The following CORIN variants were observed in gnomAD, a reference collection of about 807,000 sequenced individuals.
CORIN encodes the protein corin, serine peptidase, also known as atrial natriuretic peptide-converting enzyme.
A neutral mutation model predicts 125.3 loss-of-function variants in CORIN; 117 were observed. That is an observed-to-expected ratio of 0.93 (90% CI 0.80 to 1.09). The LOEUF is 1.09. CORIN is among the 50% of genes least tolerant of loss of function. The probability of loss-of-function intolerance (pLI) is 0.00; values close to 1 mark genes in which losing one functional copy is unlikely to be tolerated. For synonymous variants in CORIN, 450 were observed against 466.4 expected, an observed-to-expected ratio of 0.96 and a Z score of 0.45; for missense variants, 1,253 against 1,306.7, an observed-to-expected ratio of 0.96 and a Z score of 0.63.
At chr4:47,772,516 A>G (rs983655902) in intron 3 of CORIN, among the ~76,000 whole-genome samples, 6 of 152,126 alleles carry the variant, frequency 3.9e-5, no homozygotes, top group African/African-American at 1.4e-4. Flanking sequence ...AATGAATGAT[A>G]ACAATAATTA....
intron 12 of CORIN, among the ~76,000 whole-genome samples, chr4:47,659,423 T>C (rs1425223843): frequency 6.6e-6 from 1 of 151,974 alleles, no homozygotes; most frequent in Admixed American, 6.6e-5. Context: ...AGAAAAGAGG[T>C]TTAATTGACT....
chr4:47,770,187 G>A (rs1729957960), intron 3 of CORIN, among the ~76,000 whole-genome samples: 1 of 151,834 alleles, frequency 6.6e-6, no homozygotes, highest in South Asian at 2.1e-4. Context: ...TTTAAAAGTG[G>A]GAAAAGGCCC....
chr4:47,660,659 C>T (rs546559375), intron 12 of CORIN, among the ~76,000 whole-genome samples: 1 of 152,164 alleles, frequency 6.6e-6, no homozygotes, highest in Admixed American at 6.5e-5. Flanking sequence ...TGTCTTATAT[C>T]CAAAAGACAG....
intron 1 of CORIN, among the ~76,000 whole-genome samples, chr4:47,809,396 C>CTTTTTTTTTT (rs374248975): frequency 9.3e-6 from 1 of 107,362 alleles, no homozygotes; most frequent in Non-Finnish European, 1.8e-5. Flanking sequence ...GAATTGATTG[C>CTTTTTTTTTT]TTTTTTTTTT....
rs1018214357 is a variant in CORIN at position 47,607,364 on chromosome 4, C to T, written c.2541-3696G>A. Among the ~76,000 whole-genome samples, 6 of 151,310 alleles carry T rather than the reference C, an allele frequency of 4.0e-5. No homozygotes were observed. The South Asian group carries it at 6.3e-4, about 16-fold the overall frequency. ...CAGAACTTGCAGTGAGCCCAGATCG[C>T]GCCACTGCACTCCAGCCTGGGCGAC... On this transcript the variant is annotated intron_variant, in intron 19 of 21. Coordinates refer to ENST00000273857, the MANE Select transcript of CORIN (RefSeq NM_006587.4).
intron 5 of CORIN, among the ~76,000 whole-genome samples, chr4:47,702,798 C>A (rs1266042860): frequency 6.6e-6 from 1 of 152,140 alleles, no homozygotes; most frequent in East Asian, 1.9e-4. Flanking sequence ...GATTACGGTT[C>A]TACCCTAATG....
At chr4:47,727,645 G>A (rs1727659412) in intron 5 of CORIN, among the ~76,000 whole-genome samples, 1 of 152,014 alleles carries the variant, frequency 6.6e-6, no homozygotes. Context: ...ATGAAATTCT[G>A]TAGGTGAAAG....
At position 47,711,222 on chromosome 4, in the gene CORIN, T is replaced by G. The variant is rs192726776; in HGVS notation, c.800-18139A>C. 7.9e-5 allele frequency among the ~76,000 whole-genome samples: 12 copies of G among 152,328 alleles called. No individual in the cohort carries two copies. In the East Asian group the frequency reaches 2.3e-3, roughly 29 times the overall value. ...CCAAAGTCCATCCTGCAGGAGCCAC[T>G]CTATAGACAAGGGAGCCATGACTAT... On this transcript the variant is annotated intron_variant, in intron 5 of 21. Transcript: ENST00000273857.
chr4:47,776,121 G>GT (rs1730288448), intron 3 of CORIN, among the ~76,000 whole-genome samples: 1 of 151,886 alleles, frequency 6.6e-6, no homozygotes, highest in Non-Finnish European at 1.5e-5. Flanking sequence ...CCAGGCTCAA[G>GT]TGCTTCTCCC....
intron 2 of CORIN, among the ~76,000 whole-genome samples, chr4:47,799,461 G>C (rs982711573): frequency 6.6e-6 from 1 of 152,012 alleles, no homozygotes; most frequent in Non-Finnish European, 1.5e-5. Context: ...CATTCTGATT[G>C]GTGTGAGATG....
Position 47,611,663 on chromosome 4 carries a change from T to A in CORIN, c.2541-7995A>T, listed in dbSNP as rs112867381. 7.8e-3 allele frequency among the ~76,000 whole-genome samples: 1,185 copies of A among 152,372 alleles called. 25 individuals are homozygous for A. Among genetic ancestry groups the A allele is most frequent in the African/African-American group, 0.027 (1,110 of 41,578 alleles). On this transcript the variant is annotated intron_variant, in intron 19 of 21. Coordinates refer to ENST00000273857, the MANE Select transcript of CORIN (RefSeq NM_006587.4). ...GGAGTGGTAAGAGAGGGCATCCTTG[T>A]CTTGTGCTGGTTTCCAAGGGGAATG...
intron 3 of CORIN, among the ~76,000 whole-genome samples, chr4:47,765,141 C>A (rs1043288869): frequency 6.6e-6 from 1 of 151,970 alleles, no homozygotes; most frequent in African/African-American, 2.4e-5. Context: ...GAAACCCCAT[C>A]TCTACTAAAA....
At chr4:47,666,519 G>C (rs1173423145) in intron 10 of CORIN, among the ~76,000 whole-genome samples, 2 of 152,190 alleles carry the variant, frequency 1.3e-5, no homozygotes, top group Non-Finnish European at 2.9e-5. Context: ...GTAGGATAGA[G>C]TTTGCATGAA....
chr4:47,825,679 A>C (rs1361989327), intron 1 of CORIN, among the ~76,000 whole-genome samples: 1 of 151,634 alleles, frequency 6.6e-6, no homozygotes, highest in Non-Finnish European at 1.5e-5. Flanking sequence ...AATCACCAGT[A>C]ACTTTTTCAA....
intron 3 of CORIN, 78 bp from the exon 4 acceptor site, chr4:47,763,664 A>G (rs1213658302): frequency 1.6e-5 from 21 of 1,314,396 alleles, no homozygotes; most frequent in East Asian, 7.0e-5. Flanking sequence ...ATATTTGTTT[A>G]TAAGATAAAG....
intron 6 of CORIN, among the ~76,000 whole-genome samples, chr4:47,684,883 G>C (rs561030919): frequency 6.6e-6 from 1 of 152,064 alleles, no homozygotes; most frequent in East Asian, 1.9e-4. Context: ...AACGTTATTA[G>C]TCATTAAGCA....
In CORIN at chr4:47,778,006, T is replaced by C. The variant is rs1185832008; in HGVS notation, c.409+8719A>G. Reference sequence around the variant, plus strand: ...AATTACATAGTTTGGGTTTTTTTGGTTTTTTGATTTTTGTTTTGACTTTCA... The same window carrying C: ...AATTACATAGTTTGGGTTTTTTTGGCTTTTTGATTTTTGTTTTGACTTTCA... On this transcript the variant is annotated intron_variant, in intron 3 of 21. Transcript: ENST00000273857. Among the ~76,000 whole-genome samples, 4 of 152,202 alleles carry C rather than the reference T, an allele frequency of 2.6e-5. No individual in the cohort carries two copies. In the East Asian group the frequency reaches 7.7e-4, roughly 29 times the overall value.
At chr4:47,645,547 T>C (rs1459133232) in intron 13 of CORIN, among the ~76,000 whole-genome samples, 1 of 151,438 alleles carries the variant, frequency 6.6e-6, no homozygotes, top group Non-Finnish European at 1.5e-5. Flanking sequence ...TAACCAATAA[T>C]ATTCATATTG....
intron 19 of CORIN, among the ~76,000 whole-genome samples, chr4:47,614,856 G>C (rs1462217770): frequency 6.6e-6 from 1 of 152,078 alleles, no homozygotes; most frequent in Non-Finnish European, 1.5e-5. Context: ...TGTCTTCATA[G>C]AGTTTTCATT....
Sources: allele counts gnomAD v4.1 joint callset (sites outside exome capture counted in the v4.1 genomes callset), GRCh38; gene constraint gnomAD v4.1.1; transcripts MANE v1.5; gene names NCBI Gene and HGNC (gene_info 2026-07-23, HGNC 2026-07-21).